TP63: variants seen among roughly 807,000 people sequenced by gnomAD.
TP63 encodes the protein tumor protein p63.
A neutral mutation model predicts 82.8 loss-of-function variants in TP63; 17 were observed. The ratio of observed to expected loss-of-function variants is 0.21; its 90% CI spans 0.14 to 0.31. The LOEUF is 0.31. Ranked by LOEUF, TP63 falls within the 10% of genes least tolerant of loss-of-function variation. The pLI is 1.00. For synonymous variants in TP63, 330 were observed against 321.7 expected, an observed-to-expected ratio of 1.03 and a Z score of -0.28; for missense variants, 648 against 895.3, an observed-to-expected ratio of 0.72 and a Z score of 3.52.
intron 4 of TP63, among the ~76,000 whole-genome samples, chr3:189,815,963 A>G (rs1728141011): frequency 6.6e-6 from 1 of 152,154 alleles, no homozygotes; most frequent in Non-Finnish European, 1.5e-5. Context: ...ATATCATTTT[A>G]TATTTTAAAA....
rs746534270 is a variant in TP63 at position 189,737,709 on chromosome 3, A to G, written c.63-31A>G. 11 of 1,610,248 alleles carry G rather than the reference A, an allele frequency of 6.8e-6. No individual in the cohort carries two copies. In the African/African-American group the frequency reaches 1.2e-4, roughly 18 times the overall value. ...ATTCAGTGTCATAAATACAGAAAGT[A>G]TAATACTAGTTTCATTTTTGTCCTT... On this transcript the variant is annotated intron_variant, in intron 1 of 13. Coordinates refer to ENST00000264731, the MANE Select transcript of TP63 (RefSeq NM_003722.5).
At chr3:189,834,971 A>G (rs899584098) in intron 4 of TP63, among the ~76,000 whole-genome samples, 24 of 149,612 alleles carry the variant, frequency 1.6e-4, no homozygotes, top group African/African-American at 5.9e-4. Flanking sequence ...ATATGTCTCT[A>G]AACATTTAAA....
In TP63 at chr3:189,889,490, T is replaced by A. The variant is rs1720798904; in HGVS notation, c.1652+6T>A. The A allele has an allele frequency of 6.2e-7, 1 of 1,613,748 alleles. No individual in the cohort carries two copies. The highest frequency in any genetic ancestry group is 1.1e-5 in the South Asian group (1 of 91,080). On this transcript the variant is annotated splice_donor_region_variant and intron_variant, in intron 12 of 13. Transcript: ENST00000264731. Reference sequence around the variant, plus strand: ...ACAGATTGCAGCATTGTCAGGTGAGTCCACAGCATGTGCCCCTGGGGGCCT... The same window carrying A: ...ACAGATTGCAGCATTGTCAGGTGAGACCACAGCATGTGCCCCTGGGGGCCT...
chr3:189,707,379 T>C (rs1560124625), intron 1 of TP63, among the ~76,000 whole-genome samples: 1 of 152,190 alleles, frequency 6.6e-6, no homozygotes, highest in Non-Finnish European at 1.5e-5. Context: ...TATGTAGATT[T>C]GCCAGAATAT....
At chr3:189,608,177 A>G in the TP63 span, among the ~76,000 whole-genome samples, 2 of 152,092 alleles carry the variant, frequency 1.3e-5, no homozygotes, top group African/African-American at 4.8e-5. Context: ...GTGTGCATGT[A>G]TGTGTTGGGG....
chr3:189,638,245 G>A lies in TP63; in HGVS notation c.62+6668G>A, dbSNP rs374015962. Among the ~76,000 whole-genome samples the A allele has an allele frequency of 5.3e-5, 8 of 152,188 alleles. No individual in the cohort carries two copies. In the South Asian group the frequency reaches 1.2e-3, roughly 24 times the overall value. On this transcript the variant is annotated intron_variant, in intron 1 of 13. Transcript: ENST00000264731. Reference sequence around the variant, plus strand: ...GTAGATATGGACACTAGAAAACTGCGTTTTGTTTTGATGCGTTTAACTAAA... The same window carrying A: ...GTAGATATGGACACTAGAAAACTGCATTTTGTTTTGATGCGTTTAACTAAA...
intron 3 of TP63, among the ~76,000 whole-genome samples, chr3:189,747,389 CA>C (rs766146958): frequency 8.6e-5 from 13 of 151,910 alleles, no homozygotes; most frequent in Non-Finnish European, 8.8e-5. Flanking sequence ...ATTGAAATTA[CA>C]TCAAGTTTCT....
At chr3:189,864,167 G>A (rs1717398538) in intron 4 of TP63, 65 bp from the exon 5 acceptor site, 12 of 1,598,162 alleles carry the variant, frequency 7.5e-6, no homozygotes, top group Non-Finnish European at 9.4e-6. Context: ...GTTCTGATTT[G>A]GAATGTAACA....
the TP63 span, among the ~76,000 whole-genome samples, chr3:189,623,301 A>G: frequency 6.6e-6 from 1 of 152,224 alleles, no homozygotes; most frequent in Non-Finnish European, 1.5e-5. Context: ...TTATGGGCTC[A>G]AACTAACCAA....
At chr3:189,780,665 T>G (rs1724159536) in intron 3 of TP63, among the ~76,000 whole-genome samples, 1 of 152,300 alleles carries the variant, frequency 6.6e-6, no homozygotes, top group East Asian at 1.9e-4. Flanking sequence ...GAAATTGTTT[T>G]CAGAGACAGG....
intron 4 of TP63, among the ~76,000 whole-genome samples, chr3:189,847,372 A>C (rs902664358): frequency 9.9e-5 from 14 of 141,464 alleles, no homozygotes; most frequent in Admixed American, 6.1e-4. Context: ...TAACAAAAAT[A>C]ATCATCATCA....
At chr3:189,650,852 C>T (rs1275925352) in intron 1 of TP63, among the ~76,000 whole-genome samples, 1 of 146,830 alleles carries the variant, frequency 6.8e-6, no homozygotes, top group Non-Finnish European at 1.5e-5. Context: ...GTTTGGAGGA[C>T]TCAGACGAAG....
At chr3:189,824,227 T>A (rs28620689) in intron 4 of TP63, among the ~76,000 whole-genome samples, 52,977 of 151,304 alleles carry the variant, frequency 0.35, 9,421 homozygotes, top group East Asian at 0.51. Flanking sequence ...TATTATTATT[T>A]TTTTTTTGAG....
At chr3:189,872,355 C>T (rs1011071102) in intron 9 of TP63, among the ~76,000 whole-genome samples, 2 of 151,766 alleles carry the variant, frequency 1.3e-5, no homozygotes, top group Non-Finnish European at 2.9e-5. Context: ...ACATCAGACT[C>T]GTGGCCAATT....
chr3:189,643,484 T>C (rs1712115228), intron 1 of TP63, among the ~76,000 whole-genome samples: 1 of 151,954 alleles, frequency 6.6e-6, no homozygotes, highest in African/African-American at 2.4e-5. Flanking sequence ...ATGCTTTTGC[T>C]CCCCTATTTC....
At chr3:189,875,616 A>ATATACATATATATATATATATATACG (rs1560289450) in intron 10 of TP63, among the ~76,000 whole-genome samples, 19 of 108,700 alleles carry the variant, frequency 1.7e-4, no homozygotes, top group African/African-American at 7.6e-4. Context: ...ATATATATAT[A>ATATACATATATATATATATATATACG]TATATATATA....
chr3:189,768,386 C>A (rs1723104920), intron 3 of TP63, among the ~76,000 whole-genome samples: 1 of 152,020 alleles, frequency 6.6e-6, no homozygotes, highest in Non-Finnish European at 1.5e-5. Context: ...ACATCCAATT[C>A]CTCTTGTATT....
At chr3:189,798,986 G>T (rs142960923) in intron 3 of TP63, among the ~76,000 whole-genome samples, 2 of 152,096 alleles carry the variant, frequency 1.3e-5, no homozygotes, top group African/African-American at 4.8e-5. Context: ...TTAAAAAGTA[G>T]CAATCAGCAA....
the TP63 span, among the ~76,000 whole-genome samples, chr3:189,602,929 G>A: frequency 4.6e-5 from 7 of 152,178 alleles, no homozygotes; most frequent in Admixed American, 4.6e-4. Flanking sequence ...CTAGTAGTAG[G>A]TAACTTCCCA....
Sources: gnomAD v4.1 joint callset for allele counts (sites outside exome capture counted in the v4.1 genomes callset) on GRCh38, gnomAD v4.1.1 for gene constraint, MANE v1.5 for transcripts, NCBI Gene and HGNC (gene_info 2026-07-23, HGNC 2026-07-21) for gene names.